The following PRKN variants were observed in gnomAD, a reference collection of about 807,000 sequenced individuals.
PRKN encodes E3 ubiquitin-protein ligase parkin.
In PRKN, 56 loss-of-function variants were observed where a neutral mutation model predicts 59.5. The observed-to-expected ratio is 0.94, with a 90% CI of 0.76 to 1.18. The LOEUF (loss-of-function observed/expected upper bound fraction) is 1.18, where lower values mean the gene tolerates loss of function less well. Among genes scored for constraint, PRKN ranks in the 50% most tolerant of loss-of-function variants. PRKN has a pLI of 0.00. For missense variants in PRKN, 657 were observed against 596.4 expected, an observed-to-expected ratio of 1.10 and a Z score of -1.06; for synonymous variants, 250 against 222.1, an observed-to-expected ratio of 1.13 and a Z score of -1.12.
At chr6:162,017,463 A>C (rs1320300043) in intron 5 of PRKN, among the ~76,000 whole-genome samples, 4 of 152,318 alleles carry the variant, frequency 2.6e-5, no homozygotes, top group South Asian at 4.1e-4. Flanking sequence ...CATTATGTTC[A>C]TGTCATAAAT....
At chr6:162,631,663 T>C (rs924049043) in intron 1 of PRKN, among the ~76,000 whole-genome samples, 18 of 152,172 alleles carry the variant, frequency 1.2e-4, no homozygotes, top group Admixed American at 3.9e-4. Context: ...CTGTTGATAA[T>C]TTCTTTTGCT....
intron 2 of PRKN, among the ~76,000 whole-genome samples, chr6:162,363,131 CAAAAAAAAA>C (rs34722234): frequency 0.024 from 2,399 of 98,484 alleles, 75 homozygotes; most frequent in African/African-American, 0.078. Context: ...CCTTCTCAAA[CAAAAAAAAA>C]AAAAAAAAAA....
At chr6:162,132,495 T>A (rs1361568094) in intron 4 of PRKN, among the ~76,000 whole-genome samples, 1 of 152,180 alleles carries the variant, frequency 6.6e-6, no homozygotes, top group Non-Finnish European at 1.5e-5. Flanking sequence ...TATTTCAATC[T>A]ACACGATGGA....
intron 2 of PRKN, among the ~76,000 whole-genome samples, chr6:162,406,269 G>A (rs1788066048): frequency 6.6e-6 from 1 of 152,162 alleles, no homozygotes; most frequent in Non-Finnish European, 1.5e-5. Context: ...CTTTGCTGAA[G>A]TCAGATGGCT....
rs1562648806 is a variant in PRKN, at chr6:161,743,386, T to TTTATTTA, written c.871+42385_871+42386insTAAATAA. 4.3e-4 allele frequency among the ~76,000 whole-genome samples: 61 copies of TTTATTTA among 140,292 alleles called. 1 individual carries two copies. The highest frequency in any genetic ancestry group is 3.6e-3 in the Middle Eastern group (1 of 278). 92.0% of individuals were successfully genotyped at this position (140,292 alleles called of 152,430 possible). A position where few individuals can be genotyped will look rare whatever the true frequency, so the allele number is the denominator to read the frequency against. On this transcript the variant is annotated intron_variant, in intron 7 of 11. Transcript: ENST00000366898. ...AGGCGCCCGCCACCACATCCAGCTTTTTTATTTATTTATTTATTTATTTAT... is the reference window on the plus strand; with the variant it reads ...AGGCGCCCGCCACCACATCCAGCTTTTTATTTATTTATTTATTTATTTATTTATTTAT...
In PRKN at chr6:162,100,470, A is replaced by G. The variant is rs540193001; in HGVS notation, c.535-46296T>C. On this transcript the variant is annotated intron_variant, in intron 4 of 11. Transcript: ENST00000366898. ...CTTTCTTGTCTTTTTTTTTTTTTTA[A>G]GATAGATGTCGCTTTGTCACCCAGG... 2.2e-4 allele frequency among the ~76,000 whole-genome samples: 33 copies of G among 149,706 alleles called. 1 individual carries two copies. Among genetic ancestry groups the G allele is most frequent in the African/African-American group, 8.1e-4 (33 of 40,774 alleles).
At chr6:161,555,233 C>T (rs1045154928) in intron 8 of PRKN, among the ~76,000 whole-genome samples, 4 of 151,616 alleles carry the variant, frequency 2.6e-5, no homozygotes, top group African/African-American at 9.7e-5. Flanking sequence ...GTGTAATTTC[C>T]TAATAATTTC....
At chr6:162,632,040 A>G (rs1405287560) in intron 1 of PRKN, among the ~76,000 whole-genome samples, 1 of 152,066 alleles carries the variant, frequency 6.6e-6, no homozygotes, top group Non-Finnish European at 1.5e-5. Context: ...ACGCTTATAC[A>G]CTTACACACT....
intron 10 of PRKN, among the ~76,000 whole-genome samples, chr6:161,384,899 A>G (rs1162685119): frequency 6.6e-6 from 1 of 152,146 alleles, no homozygotes; most frequent in Non-Finnish European, 1.5e-5. Flanking sequence ...TGGCTCCCCT[A>G]TGAGCCTCTA....
chr6:162,196,273 G>A (rs1021974636), intron 4 of PRKN, among the ~76,000 whole-genome samples: 1 of 152,144 alleles, frequency 6.6e-6, no homozygotes, highest in Non-Finnish European at 1.5e-5. Context: ...TACCAGCCCA[G>A]TCAAAATAAT....
chr6:162,688,534 T>C (rs1446390489), intron 1 of PRKN, among the ~76,000 whole-genome samples: 3 of 152,190 alleles, frequency 2.0e-5, no homozygotes, highest in East Asian at 3.8e-4. Context: ...AAATATACAA[T>C]AGTCTTTATC....
chr6:161,587,527 C>T (rs1200644193), intron 7 of PRKN, among the ~76,000 whole-genome samples: 1 of 152,054 alleles, frequency 6.6e-6, no homozygotes, highest in Admixed American at 6.6e-5. Flanking sequence ...AGATAAAATT[C>T]ATCTGCCAAA....
chr6:161,934,104 C>T (rs1259296926), intron 6 of PRKN, among the ~76,000 whole-genome samples: 6 of 152,164 alleles, frequency 3.9e-5, no homozygotes, highest in East Asian at 1.9e-4. Flanking sequence ...ATCACGGGGG[C>T]GCTTCGCCAT....
intron 7 of PRKN, among the ~76,000 whole-genome samples, chr6:161,674,700 C>T (rs1259856699): frequency 6.6e-6 from 1 of 152,122 alleles, no homozygotes; most frequent in African/African-American, 2.4e-5. Context: ...GCTATTTTTT[C>T]CTTCTTAGAG....
At chr6:161,398,917 A>G (rs553760907) in intron 9 of PRKN, among the ~76,000 whole-genome samples, 1 of 152,296 alleles carries the variant, frequency 6.6e-6, no homozygotes, top group Non-Finnish European at 1.5e-5. Context: ...CTGACCCTCA[A>G]GCCTGGAAAC....
intron 6 of PRKN, among the ~76,000 whole-genome samples, 169 bp downstream of exon 6, chr6:161,973,133 T>C (rs930366028): frequency 1.3e-5 from 2 of 152,094 alleles, no homozygotes; most frequent in East Asian, 3.8e-4. Flanking sequence ...TATACCCAAA[T>C]TGGGCAGACG....
chr6:162,545,113 T>C (rs2803070), intron 1 of PRKN, among the ~76,000 whole-genome samples: 65,888 of 150,666 alleles, frequency 0.44, 16,730 homozygotes, highest in Non-Finnish European at 0.58. Context: ...GGTGAAACCC[T>C]GTCTCTACTA....
rs546155103 is a variant in PRKN at position 161,670,646 on chromosome 6, T to G, written c.872-101230A>C. 8.5e-4 allele frequency among the ~76,000 whole-genome samples: 129 copies of G among 152,268 alleles called. 3 individuals carry two copies. In the South Asian group the frequency reaches 0.026, roughly 30 times the overall value. On this transcript the variant is annotated intron_variant, in intron 7 of 11. Coordinates refer to ENST00000366898, the MANE Select transcript of PRKN (RefSeq NM_004562.3). ...CTGGCTAACATAGTGAAACCCCGTC[T>G]CTACTAAAAAATACAAAAAATTAGC...
At chr6:162,335,688 C>T (rs112017856) in intron 2 of PRKN, among the ~76,000 whole-genome samples, 2,792 of 152,144 alleles carry the variant, frequency 0.018, 47 homozygotes, top group Non-Finnish European at 0.032. Flanking sequence ...TTACATCAAA[C>T]TGCTCTTATT....
Sources: gnomAD v4.1 joint callset for allele counts (sites outside exome capture counted in the v4.1 genomes callset) on GRCh38, gnomAD v4.1.1 for gene constraint, MANE v1.5 for transcripts, NCBI Gene and HGNC (gene_info 2026-07-23, HGNC 2026-07-21) for gene names.